The following GPM6A variants were observed in gnomAD, a reference collection of about 807,000 sequenced individuals.
GPM6A encodes glycoprotein M6A.
In GPM6A, 7 loss-of-function variants were observed where a neutral mutation model predicts 32.1. That is an observed-to-expected ratio of 0.22 (90% confidence interval 0.12 to 0.41). GPM6A has a LOEUF of 0.41. Among genes scored for constraint, GPM6A ranks in the 10% least tolerant of loss-of-function variants. The pLI is 1.00. For synonymous variants in GPM6A, 130 were observed against 123.4 expected (o/e 1.05, Z -0.35); for missense variants, 235 against 347.2 (o/e 0.68, Z 2.57).
At chr4:175,786,696 C>G (rs1460319159) in intron 1 of GPM6A, among the ~76,000 whole-genome samples, 1 of 151,976 alleles carries the variant, frequency 6.6e-6, no homozygotes, top group Non-Finnish European at 1.5e-5. Context: ...TGTCCATGTT[C>G]CCTTGAGTCA....
chr4:175,708,917 A>G (rs1374795180), intron 1 of GPM6A, among the ~76,000 whole-genome samples: 2 of 152,186 alleles, frequency 1.3e-5, no homozygotes, highest in African/African-American at 4.8e-5. Flanking sequence ...TTACCTGCAC[A>G]GTAAATATTT....
At chr4:175,784,351 G>T (rs62336050) in intron 1 of GPM6A, among the ~76,000 whole-genome samples, 4,989 of 152,204 alleles carry the variant, frequency 0.033, 113 homozygotes, top group Non-Finnish European at 0.049. Flanking sequence ...TAGTTTCTTG[G>T]ATTGTATCCT....
chr4:175,966,566 A>G (rs559759277), intron 1 of GPM6A, among the ~76,000 whole-genome samples: 62 of 152,024 alleles, frequency 4.1e-4, no homozygotes, highest in Admixed American at 7.9e-4. Context: ...TAGTGCCCTT[A>G]TAACAAGAGG....
At chr4:175,778,916 T>G (rs1733505100) in intron 1 of GPM6A, among the ~76,000 whole-genome samples, 1 of 151,280 alleles carries the variant, frequency 6.6e-6, no homozygotes, top group African/African-American at 2.4e-5. Flanking sequence ...AATTACTATA[T>G]AATTATACAT....
chr4:175,849,788 G>C lies in GPM6A; in HGVS notation c.-22-37539C>G, dbSNP rs115367803. 8.7e-3 allele frequency among the ~76,000 whole-genome samples: 1,320 copies of C among 152,242 alleles called. 20 individuals are homozygous for C. Among genetic ancestry groups the C allele is most frequent in the African/African-American group, 0.028 (1,144 of 41,552 alleles). ...ACAGAAATATTTATAGTAAAACATA[G>C]AGTGTTAAATTAATTCTGAGGAAAG... On this transcript the variant is annotated intron_variant, in intron 1 of 7. Transcript: ENST00000280187.
chr4:176,000,610 C>T (rs1741447556), intron 1 of GPM6A, among the ~76,000 whole-genome samples: 1 of 152,082 alleles, frequency 6.6e-6, no homozygotes, highest in Non-Finnish European at 1.5e-5. Flanking sequence ...ATGTTGGATC[C>T]AAATGGCATT....
chr4:175,926,289 A>G (rs1738837407), intron 1 of GPM6A, among the ~76,000 whole-genome samples: 1 of 152,218 alleles, frequency 6.6e-6, no homozygotes, highest in Admixed American at 6.5e-5. Flanking sequence ...TGGCTTTTAC[A>G]GTTTGGGGTC....
chr4:175,689,310 T>G (rs1379352552), intron 2 of GPM6A, among the ~76,000 whole-genome samples: 3 of 152,232 alleles, frequency 2.0e-5, no homozygotes, highest in African/African-American at 7.2e-5. Context: ...AAGAACATTT[T>G]AACAATATTA....
intron 1 of GPM6A, among the ~76,000 whole-genome samples, chr4:175,977,689 A>G (rs558609733): frequency 1.3e-5 from 2 of 152,324 alleles, no homozygotes; most frequent in South Asian, 4.1e-4. Context: ...TTCCCATATC[A>G]TTAGCCTTAC....
intron 1 of GPM6A, among the ~76,000 whole-genome samples, chr4:175,856,554 A>G (rs1176253355): frequency 6.6e-6 from 1 of 152,224 alleles, no homozygotes; most frequent in East Asian, 1.9e-4. Flanking sequence ...AGCTCAGTGA[A>G]GAGTCAGTAT....
chr4:175,743,615 T>TTTTTTTTTTTTTTTGTA (rs1731977673), intron 1 of GPM6A, among the ~76,000 whole-genome samples: 1 of 151,290 alleles, frequency 6.6e-6, no homozygotes, highest in Non-Finnish European at 1.5e-5. Context: ...AAAAACAATT[T>TTTTTTTTTTTTTTTGTA]AAAAATAACT....
chr4:175,813,210 T>C (rs1734997162), upstream of GPM6A: 1 of 340,840 alleles, frequency 2.9e-6, no homozygotes, highest in Non-Finnish European at 4.2e-6. Flanking sequence ...AAGGTCAGTG[T>C]TAGGGAATGA....
rs182691548 is a variant in GPM6A at position 175,966,284 on chromosome 4, C to T, written c.-23+36025G>A. 1.2e-4 allele frequency among the ~76,000 whole-genome samples: 19 copies of T among 152,020 alleles called. No individual in the cohort carries two copies. The East Asian group carries it at 3.3e-3, about 26-fold the overall frequency. On this transcript the variant is annotated intron_variant, in intron 1 of 7. Transcript: ENST00000280187. The stretch of plus-strand genomic sequence containing the variant: ...AGGCATGGTGGCATGTGCCTGTAGT[C>T]AGAGCTACTCAGGAGGCTGAGGTGA...
chr4:175,644,094 C>A, intron 4 of GPM6A, among the ~76,000 whole-genome samples: 1 of 150,176 alleles, frequency 6.7e-6, no homozygotes, highest in South Asian at 2.1e-4. Flanking sequence ...TACTTTCTTT[C>A]ATTCCTGCTC....
chr4:175,701,818 ATT>A, intron 1 of GPM6A, 51 bp from the exon 2 acceptor site: 1 of 1,321,878 alleles, frequency 7.6e-7, no homozygotes, highest in Non-Finnish European at 1.1e-6. Context: ...ACCTAATTTA[ATT>A]TTTTTTTTCA....
intron 1 of GPM6A, among the ~76,000 whole-genome samples, chr4:175,977,465 C>T (rs1236680335): frequency 3.3e-5 from 5 of 152,122 alleles, no homozygotes; most frequent in Non-Finnish European, 5.9e-5. Flanking sequence ...TTTTAATTTA[C>T]ATAAGCTCTT....
At chr4:175,643,223 G>C (rs1412135399) in intron 4 of GPM6A, among the ~76,000 whole-genome samples, 6 of 152,086 alleles carry the variant, frequency 3.9e-5, no homozygotes, top group African/African-American at 1.4e-4. Context: ...CATTCTTCAA[G>C]TAGCAGCTAG....
At chr4:175,952,964 A>C (rs1475002495) in intron 1 of GPM6A, among the ~76,000 whole-genome samples, 3 of 151,054 alleles carry the variant, frequency 2.0e-5, no homozygotes, top group African/African-American at 7.3e-5. Flanking sequence ...CAGTGGGTAG[A>C]GGCTGCAGTG....
chr4:175,646,316 T>C (rs727916), intron 4 of GPM6A, among the ~76,000 whole-genome samples: 107,850 of 152,140 alleles, frequency 0.71, 40,981 homozygotes, highest in Non-Finnish European at 0.85. Flanking sequence ...CATAGCTAGA[T>C]ATACAAAAGA....
Sources: gnomAD v4.1 joint callset for allele counts (sites outside exome capture counted in the v4.1 genomes callset) on GRCh38, gnomAD v4.1.1 for gene constraint, MANE v1.5 for transcripts, NCBI Gene and HGNC (gene_info 2026-07-23, HGNC 2026-07-21) for gene names.